Variants in RAD52 observed in about 807,000 individuals in gnomAD.
RAD52 encodes the protein DNA repair protein RAD52 homolog.
RAD52 carries 47 observed loss-of-function variants against 55.5 expected under a neutral mutation model. The ratio of observed to expected loss-of-function variants is 0.85; its 90% confidence interval spans 0.67 to 1.08. The LOEUF (loss-of-function observed/expected upper bound fraction) is 1.08, where lower values mean the gene tolerates loss of function less well. Ranked by LOEUF, RAD52 falls within the 50% of genes least tolerant of loss-of-function variation. The pLI, the probability that RAD52 is intolerant of heterozygous loss-of-function variation, is 0.00. For synonymous variants in RAD52, 184 were observed against 198.9 expected, an observed-to-expected ratio of 0.92 and a Z score of 0.63; for missense variants, 468 against 522.8, an observed-to-expected ratio of 0.90 and a Z score of 1.02.
upstream of RAD52, among the ~76,000 whole-genome samples, chr12:951,390 G>A (rs915792503): frequency 2.6e-5 from 4 of 152,228 alleles, no homozygotes; most frequent in South Asian, 4.1e-4. Context: ...GGGATTACAG[G>A]TGTAAACCAG....
intron 9 of RAD52, 170 bp downstream of exon 9, chr12:916,174 T>A: frequency 7.2e-7 from 1 of 1,379,972 alleles, no homozygotes; most frequent in Non-Finnish European, 9.4e-7. Flanking sequence ...TACAGCAGAT[T>A]TAAATATCTG....
At chr12:934,363 T>A (rs938055717) in intron 1 of RAD52, among the ~76,000 whole-genome samples, 5 of 150,388 alleles carry the variant, frequency 3.3e-5, no homozygotes, top group Non-Finnish European at 7.4e-5. Context: ...CTTGGGAGGC[T>A]GAGGTAGGAG....
intron 7 of RAD52, among the ~76,000 whole-genome samples, chr12:919,998 G>C (rs570535262): frequency 8.8e-6 from 1 of 113,038 alleles, no homozygotes; most frequent in Admixed American, 8.5e-5. Context: ...ATGGCAGTGA[G>C]CCGAGATCAC....
chr12:916,143 G>T, intron 9 of RAD52: 2 of 1,282,162 alleles, frequency 1.6e-6, no homozygotes, highest in Non-Finnish European at 1.0e-6. Flanking sequence ...AGAAATCATT[G>T]TCTTTAGAAA....
At position 919,707 on chromosome 12, in the gene RAD52, C is replaced by T. The variant is rs1475914282; in HGVS notation, c.544-2887G>A. Among the ~76,000 whole-genome samples the T allele has an allele frequency of 1.9e-4, 21 of 112,554 alleles. 7 individuals are homozygous for T. The highest frequency in any genetic ancestry group is 6.9e-4 in the South Asian group (2 of 2,914). 73.8% of individuals were successfully genotyped at this position (112,554 alleles called of 152,430 possible). A position where few individuals can be genotyped will look rare whatever the true frequency, so the allele number is the denominator to read the frequency against. ...CGGAGGTTGCAGTGAGCCAAGATAGCGCCACTGCACTCCAGCCTGGGCGAC... is the reference window on the plus strand; with the variant it reads ...CGGAGGTTGCAGTGAGCCAAGATAGTGCCACTGCACTCCAGCCTGGGCGAC... On this transcript the variant is annotated intron_variant, in intron 7 of 11. Transcript: ENST00000358495.
chr12:972,201 T>C (rs1409184445), intron 1 of RAD52, among the ~76,000 whole-genome samples: 1 of 152,068 alleles, frequency 6.6e-6, no homozygotes, highest in Non-Finnish European at 1.5e-5. Context: ...AAACAGGTAA[T>C]ACAAGAAAGT....
chr12:929,755 C>A (rs374994217), intron 5 of RAD52, 64 bp downstream of exon 5: 1 of 1,494,466 alleles, frequency 6.7e-7, no homozygotes, highest in Non-Finnish European at 9.3e-7. Flanking sequence ...TACTTCCCTA[C>A]CTGCTCACCT....
chr12:981,952 G>T (rs1368454437), intron 1 of RAD52, among the ~76,000 whole-genome samples: 1 of 152,120 alleles, frequency 6.6e-6, no homozygotes, highest in Non-Finnish European at 1.5e-5. Context: ...GGCCCTATTG[G>T]TCCTGGGTAG....
At chr12:921,610 A>G (rs1265742095) in intron 7 of RAD52, among the ~76,000 whole-genome samples, 1 of 152,152 alleles carries the variant, frequency 6.6e-6, no homozygotes, top group Non-Finnish European at 1.5e-5. Context: ...ACTCAAGCCC[A>G]GGATGTCGAG....
chr12:925,628 G>T (rs1956992499), intron 6 of RAD52, 103 bp from the exon 7 acceptor site: 5 of 891,188 alleles, frequency 5.6e-6, no homozygotes, highest in African/African-American at 1.7e-5. Context: ...CTCAGGAGCA[G>T]CAGAGGAAGT....
chr12:927,385 G>A (rs1440112571), intron 5 of RAD52, 122 bp from the exon 6 acceptor site: 2 of 737,712 alleles, frequency 2.7e-6, no homozygotes, highest in African/African-American at 1.7e-5. Flanking sequence ...TGCTACAGGG[G>A]CACGGGCAGA....
chr12:914,593 A>G (rs567833516), intron 9 of RAD52, 61 bp from the exon 10 acceptor site: 35 of 1,598,908 alleles, frequency 2.2e-5, no homozygotes, highest in Non-Finnish European at 2.8e-5. Context: ...GGGATTTCAG[A>G]GCGTGGGTCC....
chr12:962,866 C>T (rs1042489680), intron 1 of RAD52, among the ~76,000 whole-genome samples: 1 of 152,154 alleles, frequency 6.6e-6, no homozygotes. Context: ...GCATGTGCCA[C>T]CATGCCTAAT....
intron 1 of RAD52, chr12:976,008 A>C (rs965751719): frequency 9.9e-5 from 15 of 152,166 alleles, no homozygotes; most frequent in African/African-American, 3.6e-4. Context: ...ACAGCTTTGC[A>C]ATGTTGTAGT....
chr12:948,129 T>TA (rs1190595208), intron 1 of RAD52, among the ~76,000 whole-genome samples: 1 of 151,844 alleles, frequency 6.6e-6, no homozygotes, highest in Non-Finnish European at 1.5e-5. Context: ...TTCAGTTATT[T>TA]AAAAAATGAA....
At chr12:981,533 C>T (rs183452579) in intron 1 of RAD52, among the ~76,000 whole-genome samples, 1 of 152,080 alleles carries the variant, frequency 6.6e-6, no homozygotes, top group Admixed American at 6.6e-5. Context: ...CATTCCCATT[C>T]CAAAGGCAAA....
At chr12:922,191 T>TAAAAAAAAAAAAAAAAAAAAA (rs79763100) in intron 7 of RAD52, among the ~76,000 whole-genome samples, 2 of 81,694 alleles carry the variant, frequency 2.4e-5, no homozygotes, top group African/African-American at 5.3e-5. Context: ...TAGGTTGGCT[T>TAAAAAAAAAAAAAAAAAAAAA]AAAAAAAAAA....
At chr12:924,056 C>CA (rs71293134) in intron 7 of RAD52, among the ~76,000 whole-genome samples, 3,578 of 122,278 alleles carry the variant, frequency 0.029, 132 homozygotes, top group African/African-American at 0.096. Flanking sequence ...GAGACTATCT[C>CA]AAAAAAAAAA....
chr12:929,120 C>T (rs1957193835), intron 5 of RAD52, among the ~76,000 whole-genome samples: 1 of 152,134 alleles, frequency 6.6e-6, no homozygotes, highest in African/African-American at 2.4e-5. Flanking sequence ...TCCACCTGGG[C>T]CTCCCAAAGT....
Sources: gnomAD v4.1 joint callset for allele counts (sites outside exome capture counted in the v4.1 genomes callset) on GRCh38, gnomAD v4.1.1 for gene constraint, MANE v1.5 for transcripts, NCBI Gene and HGNC (gene_info 2026-07-23, HGNC 2026-07-21) for gene names.